Variants in POC1B observed in about 807,000 individuals in gnomAD.
POC1B encodes the protein POC1 centriolar protein homolog B.
In POC1B, 44 loss-of-function variants were observed where a neutral mutation model predicts 60.6. The observed-to-expected ratio is 0.73, with a 90% CI of 0.57 to 0.93. The LOEUF is 0.93. POC1B is among the 40% of genes least tolerant of loss of function. POC1B has a pLI of 0.00. For synonymous variants in POC1B, 180 were observed against 198.9 expected (o/e 0.90, Z 0.80); for missense variants, 555 against 572.3 (o/e 0.97, Z 0.31).
chr12:89,491,719 G>T (rs1398797053), intron 4 of POC1B, among the ~76,000 whole-genome samples: 5 of 151,412 alleles, frequency 3.3e-5, no homozygotes, highest in African/African-American at 1.2e-4. Flanking sequence ...CATCTGACCT[G>T]CTCCATTTTC....
intron 9 of POC1B, among the ~76,000 whole-genome samples, chr12:89,466,383 C>T (rs1255913380): frequency 1.3e-5 from 2 of 151,618 alleles, no homozygotes; most frequent in Non-Finnish European, 2.9e-5. Context: ...TTTTTTTTTG[C>T]TGTAAAAGAG....
chr12:89,522,724 A>C (rs1870987880), intron 2 of POC1B: 9 of 1,486,012 alleles, frequency 6.1e-6, no homozygotes, highest in Non-Finnish European at 8.0e-6. Flanking sequence ...GGCTTTTGAT[A>C]AAATAAAATA....
chr12:89,451,523 T>A (rs1882039549), intron 10 of POC1B, among the ~76,000 whole-genome samples: 1 of 152,098 alleles, frequency 6.6e-6, no homozygotes, highest in East Asian at 1.9e-4. Flanking sequence ...TATTTATGTT[T>A]CAGGATATAT....
chr12:89,490,228 C>A (rs1868882402), intron 4 of POC1B, among the ~76,000 whole-genome samples: 1 of 152,236 alleles, frequency 6.6e-6, no homozygotes, highest in Non-Finnish European at 1.5e-5. Flanking sequence ...GCTTCTGTCA[C>A]TTCCAACTAG....
At chr12:89,462,674 C>G (rs921668006) in intron 9 of POC1B, among the ~76,000 whole-genome samples, 15 of 152,048 alleles carry the variant, frequency 9.9e-5, no homozygotes, top group Non-Finnish European at 2.2e-4. Context: ...TATATTGAAG[C>G]ATTACATCAA....
Position 89,435,710 on chromosome 12 carries a change from T to C in POC1B, c.1114-10331A>G, listed in dbSNP as rs559842486. 1.1e-4 allele frequency among the ~76,000 whole-genome samples: 16 copies of C among 152,254 alleles called. 1 individual carries two copies. In the South Asian group the frequency reaches 2.3e-3, roughly 22 times the overall value. Reference sequence around the variant, plus strand: ...TATGTTTACATAGAAAGATTTTTTTTCCTATAATTACCATGGGGAAAAATG... The same window carrying C: ...TATGTTTACATAGAAAGATTTTTTTCCCTATAATTACCATGGGGAAAAATG... On this transcript the variant is annotated intron_variant, in intron 10 of 11. Coordinates refer to ENST00000313546, the MANE Select transcript of POC1B (RefSeq NM_172240.3).
At chr12:89,522,946 T>C in intron 2 of POC1B, 1 of 1,614,024 alleles carries the variant, frequency 6.2e-7, no homozygotes, top group Non-Finnish European at 8.5e-7. Context: ...AGTTCCATCT[T>C]CTTTAAAATG....
chr12:89,476,865 G>A (rs1883143460), intron 4 of POC1B, among the ~76,000 whole-genome samples: 1 of 152,034 alleles, frequency 6.6e-6, no homozygotes, highest in Non-Finnish European at 1.5e-5. Flanking sequence ...CAGCACTCAG[G>A]GCTCTGGGAC....
chr12:89,498,032 G>A (rs998417069), intron 2 of POC1B, among the ~76,000 whole-genome samples: 4 of 152,074 alleles, frequency 2.6e-5, no homozygotes, highest in African/African-American at 9.7e-5. Flanking sequence ...TTTTTCCTAA[G>A]ATTTAAGATA....
chr12:89,496,411 C>T (rs1869247858), intron 3 of POC1B, among the ~76,000 whole-genome samples: 1 of 151,992 alleles, frequency 6.6e-6, no homozygotes, highest in Admixed American at 6.5e-5. Flanking sequence ...TCTAAAAATA[C>T]TCCAGGGGAA....
chr12:89,412,854 TCCTCCCTC>T, the POC1B span, among the ~76,000 whole-genome samples: 6 of 130,056 alleles, frequency 4.6e-5, no homozygotes, highest in African/African-American at 1.9e-4. Flanking sequence ...TTCCTTTCCT[TCCTCCCTC>T]CCTTCCTTCC....
intron 2 of POC1B, chr12:89,502,584 C>T: frequency 8.2e-7 from 1 of 1,222,298 alleles, no homozygotes; most frequent in Non-Finnish European, 1.2e-6. Flanking sequence ...TTGCAGCCAG[C>T]AATGGTAAAG....
chr12:89,403,012 A>G, the POC1B span, among the ~76,000 whole-genome samples: 1 of 139,422 alleles, frequency 7.2e-6, no homozygotes, highest in African/African-American at 2.6e-5. Context: ...ACACAAACAC[A>G]TTTTTTTTTT....
At chr12:89,525,476 T>C in intron 1 of POC1B, 3 of 1,330,798 alleles carry the variant, frequency 2.3e-6, no homozygotes, top group Non-Finnish European at 2.9e-6. Flanking sequence ...CCGCGGCCCC[T>C]TTGAAATGCA....
chr12:89,483,315 T>C (rs1313990855), intron 4 of POC1B, among the ~76,000 whole-genome samples: 1 of 152,168 alleles, frequency 6.6e-6, no homozygotes, highest in Non-Finnish European at 1.5e-5. Flanking sequence ...TGCTTCCCCT[T>C]CCACCACAAT....
At chr12:89,505,868 C>T (rs756539002) in intron 2 of POC1B, among the ~76,000 whole-genome samples, 1 of 152,092 alleles carries the variant, frequency 6.6e-6, no homozygotes, top group Non-Finnish European at 1.5e-5. Context: ...GACTAGACTG[C>T]GAGCCTTGGA....
chr12:89,410,378 C>T, the POC1B span, among the ~76,000 whole-genome samples: 1 of 152,110 alleles, frequency 6.6e-6, no homozygotes, highest in African/African-American at 2.4e-5. Context: ...TGGAAGCATT[C>T]CCTTTGAAAA....
intron 9 of POC1B, among the ~76,000 whole-genome samples, chr12:89,464,063 CAG>C (rs1308324370): frequency 6.6e-6 from 1 of 152,100 alleles, no homozygotes; most frequent in Non-Finnish European, 1.5e-5. Flanking sequence ...TCACTGCAAA[CAG>C]AGAAAGAAAA....
chr12:89,514,402 C>CTTTTTTTTTTTTTTTGTTTTTTTTTTTT (rs1870343325), intron 2 of POC1B, among the ~76,000 whole-genome samples: 1 of 67,088 alleles, frequency 1.5e-5, no homozygotes, highest in African/African-American at 6.0e-5. Flanking sequence ...TCATGTATTT[C>CTTTTTTTTTTTTTTTGTTTTTTTTTTTT]TTTTTTTTTT....
Sources: allele counts gnomAD v4.1 joint callset (sites outside exome capture counted in the v4.1 genomes callset), GRCh38; gene constraint gnomAD v4.1.1; transcripts MANE v1.5; gene names NCBI Gene and HGNC (gene_info 2026-07-23, HGNC 2026-07-21).